KIAA1217: variants seen among roughly 807,000 people sequenced by gnomAD.
KIAA1217 encodes KIAA1217, also known as sickle tail protein homolog.
In KIAA1217, 88 loss-of-function variants were observed where a neutral mutation model predicts 163.9. The ratio of observed to expected loss-of-function variants is 0.54; its 90% CI spans 0.45 to 0.64. The LOEUF is 0.64. Ranked by LOEUF, KIAA1217 falls within the 30% of genes least tolerant of loss-of-function variation. The pLI is 0.00. For synonymous variants in KIAA1217, 903 were observed against 923.1 expected (o/e 0.98, Z 0.39); for missense variants, 2,372 against 2,475.0 (o/e 0.96, Z 0.88).
chr10:24,081,118 A>G (rs2061524272), intron 2 of KIAA1217, among the ~76,000 whole-genome samples: 1 of 152,170 alleles, frequency 6.6e-6, no homozygotes. Flanking sequence ...TAATGCTGTG[A>G]TTTTTACACC....
At chr10:24,204,436 T>C (rs2067436948), upstream of KIAA1217, among the ~76,000 whole-genome samples, 1 of 152,214 alleles carries the variant, frequency 6.6e-6, no homozygotes, top group Non-Finnish European at 1.5e-5. Context: ...ACGGTCCGTG[T>C]GAGGCTCACA....
At chr10:24,160,545 T>G (rs992537649) in intron 2 of KIAA1217, among the ~76,000 whole-genome samples, 5 of 152,184 alleles carry the variant, frequency 3.3e-5, no homozygotes, top group Non-Finnish European at 5.9e-5. Context: ...TACTTCAAAC[T>G]TGAATGCTGT....
At chr10:24,445,998 T>C (rs1265959539) in intron 5 of KIAA1217, among the ~76,000 whole-genome samples, 3 of 152,082 alleles carry the variant, frequency 2.0e-5, no homozygotes, top group Admixed American at 6.6e-5. Flanking sequence ...GTCCCACCAA[T>C]AGTGTAAAAG....
At chr10:24,456,370 TCA>T (rs1282052855) in intron 5 of KIAA1217, among the ~76,000 whole-genome samples, 1 of 152,210 alleles carries the variant, frequency 6.6e-6, no homozygotes. Flanking sequence ...TTCTTCTGCC[TCA>T]CAGCTCACTG....
intron 1 of KIAA1217, among the ~76,000 whole-genome samples, chr10:23,717,934 T>C (rs1271786918): frequency 6.6e-6 from 1 of 152,222 alleles, no homozygotes; most frequent in African/African-American, 2.4e-5. Context: ...CACATCCCTT[T>C]AAAATAGATG....
At chr10:24,455,564 G>A (rs894473520) in intron 5 of KIAA1217, among the ~76,000 whole-genome samples, 1 of 152,190 alleles carries the variant, frequency 6.6e-6, no homozygotes, top group Non-Finnish European at 1.5e-5. Context: ...GAAATTCTGA[G>A]AGCCTCTAAA....
chr10:24,122,297 T>G (rs2063312715), intron 2 of KIAA1217, among the ~76,000 whole-genome samples: 1 of 152,168 alleles, frequency 6.6e-6, no homozygotes, highest in African/African-American at 2.4e-5. Flanking sequence ...GGCCTCCAGC[T>G]GCATCCATGT....
chr10:24,301,922 A>G (rs1419112505), intron 2 of KIAA1217, among the ~76,000 whole-genome samples: 3 of 152,082 alleles, frequency 2.0e-5, no homozygotes, highest in African/African-American at 4.8e-5. Context: ...GCGCCCGCCT[A>G]TAATCCCAGC....
chr10:24,141,233 C>CCCT (rs1554882514), intron 2 of KIAA1217, among the ~76,000 whole-genome samples: 5 of 132,350 alleles, frequency 3.8e-5, no homozygotes, highest in Non-Finnish European at 8.2e-5. Flanking sequence ...AAACCCCCCC[C>CCCT]CCCCATTTCT....
At chr10:23,708,178 A>G (rs1248875804) in intron 1 of KIAA1217, among the ~76,000 whole-genome samples, 1 of 152,196 alleles carries the variant, frequency 6.6e-6, no homozygotes, top group Non-Finnish European at 1.5e-5. Context: ...ATCAGATCTC[A>G]TGGGACTTAC....
At chr10:24,456,246 G>A (rs2061777838) in intron 5 of KIAA1217, among the ~76,000 whole-genome samples, 1 of 152,104 alleles carries the variant, frequency 6.6e-6, no homozygotes, top group African/African-American at 2.4e-5. Flanking sequence ...TTCTTACATT[G>A]GCTGCATCCA....
At chr10:24,235,283 A>G (rs2072073092) in intron 2 of KIAA1217, among the ~76,000 whole-genome samples, 1 of 152,256 alleles carries the variant, frequency 6.6e-6, no homozygotes, top group Non-Finnish European at 1.5e-5. Flanking sequence ...GAAACATGAA[A>G]TTAACCATCC....
intron 2 of KIAA1217, among the ~76,000 whole-genome samples, chr10:24,025,987 T>A (rs1847925339): frequency 6.6e-6 from 1 of 151,862 alleles, no homozygotes; most frequent in South Asian, 2.1e-4. Context: ...CTAATTGGAA[T>A]GCATTTTATT....
In KIAA1217 at chr10:24,026,742, A is replaced by ATT; in HGVS notation, c.-171+19388_-171+19389dup. 8.8e-3 allele frequency among the ~76,000 whole-genome samples: 618 copies of ATT among 70,040 alleles called. 6 individuals carry two copies. The highest frequency in any genetic ancestry group is 0.028 in the African/African-American group (468 of 16,920). 45.9% of individuals were successfully genotyped at this position (70,040 alleles called of 152,430 possible). A position where few individuals can be genotyped will look rare whatever the true frequency, so the allele number is the denominator to read the frequency against. ...TTGCTTTCTATTATCTATTTCATTG[A>ATT]TTTTTTTTTTTTTTTTTTTTTGCTC... On this transcript the variant is annotated intron_variant, in intron 2 of 18. Coordinates refer to the KIAA1217 transcript ENST00000376462.
chr10:24,076,662 A>G (rs535703671), intron 2 of KIAA1217, among the ~76,000 whole-genome samples: 1 of 152,216 alleles, frequency 6.6e-6, no homozygotes, highest in Non-Finnish European at 1.5e-5. Flanking sequence ...GTTGCAACCC[A>G]CAGTCAGGAT....
At chr10:23,786,081 T>C (rs1835479834) in intron 1 of KIAA1217, among the ~76,000 whole-genome samples, 1 of 152,130 alleles carries the variant, frequency 6.6e-6, no homozygotes, top group Admixed American at 6.6e-5. Flanking sequence ...AGGCAAGTAG[T>C]GAGAATTGTC....
intron 2 of KIAA1217, among the ~76,000 whole-genome samples, chr10:24,342,035 A>G (rs2047162639): frequency 6.6e-6 from 1 of 152,270 alleles, no homozygotes; most frequent in Non-Finnish European, 1.5e-5. Flanking sequence ...GCATGAAATT[A>G]TGCCTGAAGG....
intron 1 of KIAA1217, among the ~76,000 whole-genome samples, chr10:23,985,583 C>T (rs926949832): frequency 9.9e-5 from 15 of 152,214 alleles, no homozygotes; most frequent in African/African-American, 2.4e-4. Context: ...TCATCATCAA[C>T]GCTGCATAGT....
chr10:23,878,724 G>A (rs1840819854), intron 1 of KIAA1217, among the ~76,000 whole-genome samples: 2 of 151,948 alleles, frequency 1.3e-5, no homozygotes, highest in South Asian at 4.1e-4. Context: ...TAAGGAGCAG[G>A]AGGTGCATCT....
Sources: allele counts gnomAD v4.1 joint callset (sites outside exome capture counted in the v4.1 genomes callset), GRCh38; gene constraint gnomAD v4.1.1; transcripts MANE v1.5; gene names NCBI Gene and HGNC (gene_info 2026-07-23, HGNC 2026-07-21).